The following PCDHGB5 variants were observed in gnomAD, a reference collection of about 807,000 sequenced individuals.
The protein encoded by PCDHGB5 is protocadherin gamma-B5.
In PCDHGB5, 48 loss-of-function variants were observed where a neutral mutation model predicts 62.9. The ratio of observed to expected loss-of-function variants is 0.76; its 90% confidence interval spans 0.61 to 0.97. PCDHGB5 has a LOEUF of 0.97. PCDHGB5 is among the 50% of genes least tolerant of loss of function. PCDHGB5 has a pLI of 0.00. For synonymous variants in PCDHGB5, 474 were observed against 511.2 expected (o/e 0.93, Z 0.98); for missense variants, 1,118 against 1,198.6 (o/e 0.93, Z 0.99).
Position 141,489,147 on chromosome 5 carries a change from A to G in PCDHGB5, c.2398-5660A>G. On this transcript the variant is annotated intron_variant, in intron 1 of 3. Coordinates refer to ENST00000617380, the MANE Select transcript of PCDHGB5 (RefSeq NM_018925.3). The surrounding 1 kb of genome is among the most constrained non-coding windows in gnomAD (Gnocchi z 4.5). ...GCAGTTTTTAAGAGGCTGGAAGGAG[A>G]CATAAGAGACTTCAGCTGCTGCATT... The G allele has an allele frequency of 1.2e-6, 1 of 802,676 alleles. No homozygotes were observed. Among genetic ancestry groups the G allele is most frequent in the Non-Finnish European group, 1.9e-6 (1 of 528,868 alleles). 49.7% of individuals were successfully genotyped at this position (802,676 alleles called of 1,614,324 possible). A position where few individuals can be genotyped will look rare whatever the true frequency, so the allele number is the denominator to read the frequency against.
rs2099883798 is a variant in PCDHGB5, at chr5:141,511,451, AT to A, written c.*281del. On this transcript the variant is annotated 3_prime_UTR_variant, in exon 4 of 4. Transcript: ENST00000617380. ...GGGGTTACTGTAGACACCAAGAACC[AT>A]TTGCCACACCCCGTTTAGTTACAGC... The A allele has an allele frequency of 3.3e-6, 2 of 606,372 alleles. No individual in the cohort carries two copies. Among genetic ancestry groups the A allele is most frequent in the African/African-American group, 1.9e-5 (1 of 53,734 alleles). 37.6% of individuals were successfully genotyped at this position (606,372 alleles called of 1,614,324 possible).
intron 1 of PCDHGB5, among the ~76,000 whole-genome samples, chr5:141,436,491 T>G (rs546883133): frequency 6.6e-6 from 1 of 152,182 alleles, no homozygotes; most frequent in Non-Finnish European, 1.5e-5. Flanking sequence ...GATAGCAGCT[T>G]TGCAATTAGG....
At chr5:141,403,513 T>C (rs754840157) in intron 1 of PCDHGB5, 1 of 1,613,714 alleles carries the variant, frequency 6.2e-7, no homozygotes, top group East Asian at 2.2e-5. Flanking sequence ...CTGGAGACAA[T>C]GGAGCCATAA....
chr5:141,476,271 C>T lies in PCDHGB5; in HGVS notation c.2398-18536C>T. Reference sequence around the variant, plus strand: ...GGTTTCGCTGTGGGCAACGTGGTCGCGAACCTTGGTTTGGATCTCGGTAGC... The same window carrying T: ...GGTTTCGCTGTGGGCAACGTGGTCGTGAACCTTGGTTTGGATCTCGGTAGC... On this transcript the variant is annotated intron_variant, in intron 1 of 3. Coordinates refer to ENST00000617380, the MANE Select transcript of PCDHGB5 (RefSeq NM_018925.3). This position sits in a 1 kb window ranked among gnomAD's most constrained non-coding sequence, Gnocchi z 7.6. 4 of 1,613,892 alleles carry T rather than the reference C, an allele frequency of 2.5e-6. No homozygotes were observed. The highest frequency in any genetic ancestry group is 3.4e-6 in the Non-Finnish European group (4 of 1,179,974).
At chr5:141,479,056 A>G (rs952560687) in intron 1 of PCDHGB5, among the ~76,000 whole-genome samples, 1 of 152,098 alleles carries the variant, frequency 6.6e-6, no homozygotes, top group Admixed American at 6.5e-5. Context: ...TTCTCAGATA[A>G]TTTTTTATGA....
rs553126235 is a variant in PCDHGB5 at position 141,473,346 on chromosome 5, G to A, written c.2398-21461G>A. Reference sequence around the variant, plus strand: ...AAGTGCCTGCTGTGCTAGACAGTGAGGATGCAAGTGGCCACCAAAATAGCA... The same window carrying A: ...AAGTGCCTGCTGTGCTAGACAGTGAAGATGCAAGTGGCCACCAAAATAGCA... On this transcript the variant is annotated intron_variant, in intron 1 of 3. Transcript: ENST00000617380. Among the ~76,000 whole-genome samples, 9 of 152,310 alleles carry A rather than the reference G, an allele frequency of 5.9e-5. No individual in the cohort carries two copies. The East Asian group carries it at 1.5e-3, about 26-fold the overall frequency.
chr5:141,400,311 T>A lies in PCDHGB5; in HGVS notation c.2184T>A (p.Cys728Ter). The A allele has an allele frequency of 6.2e-7, 1 of 1,614,098 alleles. No homozygotes were observed. Among genetic ancestry groups the A allele is most frequent in the Non-Finnish European group, 8.5e-7 (1 of 1,179,904 alleles). The change falls in exon 1 of 4, where the codon TGT (cysteine) becomes TGA (stop). Residue 728 changes from cysteine to a stop codon, truncating the protein, a stop_gained. Transcript: ENST00000617380. LOFTEE classifies it high-confidence loss of function. ...GGAGCTGCTTCCAACCTGGTCTCTG[T>A]GTCAAGTCTGGACCTGTGGTTCCCC... ...AAWSCFQPGL[C>*]VKSGPVVPPN...
At chr5:141,404,408 A>G in intron 1 of PCDHGB5, 1 of 1,613,900 alleles carries the variant, frequency 6.2e-7, no homozygotes, top group Non-Finnish European at 8.5e-7. Flanking sequence ...TGAGAATTCT[A>G]GAGTTATTTA....
At chr5:141,413,001 G>C in intron 1 of PCDHGB5, 1 of 592,908 alleles carries the variant, frequency 1.7e-6, no homozygotes, top group Non-Finnish European at 2.8e-6. Flanking sequence ...CGGATTCTCA[G>C]GGCTTCAACT....
chr5:141,409,761 T>A, intron 1 of PCDHGB5: 1 of 1,612,966 alleles, frequency 6.2e-7, no homozygotes, highest in Non-Finnish European at 8.5e-7. Context: ...CAGCGCGCCT[T>A]TGATCACGAG....
rs2099394923 is a variant in PCDHGB5 at position 141,476,611 on chromosome 5, A to G, written c.2398-18196A>G. On this transcript the variant is annotated intron_variant, in intron 1 of 3. Coordinates refer to ENST00000617380, the MANE Select transcript of PCDHGB5 (RefSeq NM_018925.3). The surrounding 1 kb of genome is among the most constrained non-coding windows in gnomAD (Gnocchi z 7.6). ...AGAGCGCGCACGATCCCGATGTGGG[A>G]AGCAACTCTTTACAAACCTATGAGC... 6.2e-7 allele frequency: 1 copy of G among 1,614,092 alleles called. No individual in the cohort carries two copies. Among genetic ancestry groups the G allele is most frequent in the Non-Finnish European group, 8.5e-7 (1 of 1,180,042 alleles).
chr5:141,485,666 A>G lies in PCDHGB5; in HGVS notation c.2398-9141A>G. ...GGCTCAGGATGCAGATGTGGGGAGC[A>G]ATTCGATTAGCAGCTATAGGCTGAG... On this transcript the variant is annotated intron_variant, in intron 1 of 3. Coordinates refer to ENST00000617380, the MANE Select transcript of PCDHGB5 (RefSeq NM_018925.3). The surrounding 1 kb of genome is among the most constrained non-coding windows in gnomAD (Gnocchi z 5.7). 1 of 1,612,786 alleles carries G rather than the reference A, an allele frequency of 6.2e-7. No homozygotes were observed. Among genetic ancestry groups the G allele is most frequent in the Non-Finnish European group, 8.5e-7 (1 of 1,178,960 alleles).
At chr5:141,460,214 G>A (rs925628892) in intron 1 of PCDHGB5, among the ~76,000 whole-genome samples, 2 of 151,896 alleles carry the variant, frequency 1.3e-5, no homozygotes, top group Admixed American at 6.6e-5. Flanking sequence ...CATTTTCTTA[G>A]TTGTGTCTTT....
At chr5:141,414,395 G>GAAAAGTCC (rs1226242642) in intron 1 of PCDHGB5, 1 of 1,613,924 alleles carries the variant, frequency 6.2e-7, no homozygotes, top group South Asian at 1.1e-5. Context: ...AGTTATTACA[G>GAAAAGTCC]ATTGGTGATA....
At chr5:141,427,617 G>A (rs1295636754) in intron 1 of PCDHGB5, 3 of 694,694 alleles carry the variant, frequency 4.3e-6, no homozygotes, top group Admixed American at 2.0e-5. Flanking sequence ...TGAAGTCAAC[G>A]ACAATGCTCC....
At position 141,432,660 on chromosome 5, in the gene PCDHGB5, A is replaced by G; in HGVS notation, c.2397+32136A>G. The G allele has an allele frequency of 6.2e-7, 1 of 1,613,768 alleles. No individual in the cohort carries two copies. Among genetic ancestry groups the G allele is most frequent in the African/African-American group, 1.3e-5 (1 of 75,026 alleles). ...GTGCGCACGGCGCGAGCCCTGCTGG[A>G]CAGAGACGCGCTCAAGCAGAGCCTC... On this transcript the variant is annotated intron_variant, in intron 1 of 3. Coordinates refer to ENST00000617380, the MANE Select transcript of PCDHGB5 (RefSeq NM_018925.3). The surrounding 1 kb of genome is among the most constrained non-coding windows in gnomAD (Gnocchi z 6.0).
chr5:141,399,003 A>T lies in PCDHGB5; in HGVS notation c.876A>T (p.Ser292=). 6.2e-7 allele frequency: 1 copy of T among 1,613,966 alleles called. No individual in the cohort carries two copies. Among genetic ancestry groups the T allele is most frequent in the Non-Finnish European group, 8.5e-7 (1 of 1,179,898 alleles). ...YRTGQIFSLN[S]KSGEITTQKK... is the part of the protein sequence containing the mutation. Reference sequence around the variant, plus strand: ...CCGGGCAAATCTTTAGTCTGAATTCAAAGAGCGGAGAAATTACCACTCAAA... The same window carrying T: ...CCGGGCAAATCTTTAGTCTGAATTCTAAGAGCGGAGAAATTACCACTCAAA... Residue 292 remains serine (S), a synonymous_variant, in exon 1 of 4, where the codon TCA becomes TCT. Transcript: ENST00000617380.
chr5:141,475,990 A>T, intron 1 of PCDHGB5: 1 of 1,140,672 alleles, frequency 8.8e-7, no homozygotes, highest in Non-Finnish European at 1.2e-6. Context: ...CGGCGAGCAA[A>T]TCAACGGCAT....
At chr5:141,414,706 A>G in intron 1 of PCDHGB5, 1 of 1,614,002 alleles carries the variant, frequency 6.2e-7, no homozygotes, top group South Asian at 1.1e-5. Context: ...ATACATATCC[A>G]TCAACTCAGA....
Sources: gnomAD v4.1 joint callset for allele counts (sites outside exome capture counted in the v4.1 genomes callset) on GRCh38, gnomAD v4.1.1 for gene constraint, Gnocchi (gnomAD v3.1) non-coding constraint, MANE v1.5 for transcripts, NCBI Gene and HGNC (gene_info 2026-07-23, HGNC 2026-07-21) for gene names.